Variants in CPED1 observed in about 807,000 individuals in gnomAD.
CPED1 encodes the protein cadherin like and PC-esterase domain containing 1, also known as cadherin-like and PC-esterase domain-containing protein 1.
In CPED1, 114 loss-of-function variants were observed where a neutral mutation model predicts 128.2. The observed-to-expected ratio is 0.89, with a 90% CI of 0.76 to 1.04. The LOEUF is 1.04. Among genes scored for constraint, CPED1 ranks in the 50% least tolerant of loss-of-function variants. The pLI is 0.00. For synonymous variants in CPED1, 462 were observed against 426.7 expected, an observed-to-expected ratio of 1.08 and a Z score of -1.02; for missense variants, 1,211 against 1,207.1, an observed-to-expected ratio of 1.00 and a Z score of -0.05.
chr7:121,004,665 A>G (rs919679771), intron 2 of CPED1, among the ~76,000 whole-genome samples: 2 of 152,186 alleles, frequency 1.3e-5, no homozygotes, highest in Non-Finnish European at 2.9e-5. Context: ...TAGATAGAGA[A>G]GAATGAAAAT....
intron 11 of CPED1, among the ~76,000 whole-genome samples, chr7:121,129,075 T>C (rs1795581752): frequency 6.6e-6 from 1 of 151,658 alleles, no homozygotes; most frequent in Admixed American, 6.6e-5. Context: ...GGATAATTTA[T>C]TGAGTGTGAA....
intron 2 of CPED1, among the ~76,000 whole-genome samples, chr7:121,001,107 G>C (rs1791843531): frequency 6.6e-6 from 1 of 152,048 alleles, no homozygotes; most frequent in Admixed American, 6.6e-5. Context: ...TTGTCACCCT[G>C]TGTTTTCTTC....
chr7:121,213,575 A>G (rs1456029759), intron 16 of CPED1, among the ~76,000 whole-genome samples: 3 of 152,060 alleles, frequency 2.0e-5, no homozygotes, highest in Non-Finnish European at 2.9e-5. Flanking sequence ...ATCACAATCT[A>G]TGCAATGGAT....
chr7:121,027,372 T>C (rs957302144), intron 3 of CPED1, among the ~76,000 whole-genome samples: 2 of 152,174 alleles, frequency 1.3e-5, no homozygotes, highest in African/African-American at 4.8e-5. Context: ...TCTATTTATA[T>C]GGTATTCTGC....
intron 22 of CPED1, among the ~76,000 whole-genome samples, chr7:121,277,835 G>A (rs1031480927): frequency 1.3e-5 from 2 of 152,138 alleles, no homozygotes; most frequent in African/African-American, 4.8e-5. Flanking sequence ...TTTAAGCAAA[G>A]TCTGGAGAAA....
At chr7:121,074,972 T>A (rs1001071066) in intron 5 of CPED1, among the ~76,000 whole-genome samples, 2 of 152,164 alleles carry the variant, frequency 1.3e-5, no homozygotes, top group African/African-American at 2.4e-5. Flanking sequence ...ATATGCTGGA[T>A]TCATTTATTT....
intron 2 of CPED1, among the ~76,000 whole-genome samples, chr7:120,991,776 T>A (rs1326752598): frequency 6.6e-6 from 1 of 152,174 alleles, no homozygotes; most frequent in African/African-American, 2.4e-5. Context: ...GCCAAACACA[T>A]GATGAATTTC....
chr7:121,189,869 T>G (rs999608849), intron 16 of CPED1, among the ~76,000 whole-genome samples: 1 of 148,522 alleles, frequency 6.7e-6, no homozygotes, highest in Non-Finnish European at 1.5e-5. Flanking sequence ...CAAAGATTTA[T>G]TTATTCATTT....
At chr7:121,087,682 G>GTTTA (rs1794466437) in intron 5 of CPED1, among the ~76,000 whole-genome samples, 1 of 111,580 alleles carries the variant, frequency 9.0e-6, no homozygotes, top group African/African-American at 4.1e-5. Context: ...TTTTTTTTTG[G>GTTTA]CAGAGTCTTT....
intron 3 of CPED1, among the ~76,000 whole-genome samples, chr7:121,029,053 A>G (rs1036241287): frequency 6.6e-6 from 1 of 152,114 alleles, no homozygotes; most frequent in Admixed American, 6.6e-5. Context: ...ATAAAGTTAT[A>G]TTATATAAAT....
intron 17 of CPED1, among the ~76,000 whole-genome samples, chr7:121,243,247 A>C (rs1798444453): frequency 1.3e-5 from 2 of 152,198 alleles, no homozygotes; most frequent in South Asian, 4.1e-4. Context: ...TATGTTCTCC[A>C]ACAAGGAGAG....
chr7:121,008,918 G>GT (rs951791614), intron 2 of CPED1, among the ~76,000 whole-genome samples: 4 of 152,148 alleles, frequency 2.6e-5, no homozygotes, highest in African/African-American at 9.7e-5. Flanking sequence ...GGCAGAATCG[G>GT]TTTTGCCATC....
intron 7 of CPED1, among the ~76,000 whole-genome samples, chr7:121,112,402 A>C (rs986195834): frequency 6.6e-6 from 1 of 152,194 alleles, no homozygotes; most frequent in Non-Finnish European, 1.5e-5. Flanking sequence ...ACAAAGGAGA[A>C]GATACATCTT....
chr7:121,178,051 G>T (rs1253056955), intron 16 of CPED1, among the ~76,000 whole-genome samples: 1 of 152,016 alleles, frequency 6.6e-6, no homozygotes, highest in Non-Finnish European at 1.5e-5. Context: ...CACGAGGAGG[G>T]GCTCTTGAAT....
chr7:121,021,723 T>C (rs1399986742), intron 3 of CPED1, among the ~76,000 whole-genome samples: 4 of 151,988 alleles, frequency 2.6e-5, no homozygotes, highest in Non-Finnish European at 5.9e-5. Context: ...CTGAAAGTCT[T>C]GGTATTCTCA....
chr7:121,156,384 C>G (rs1796281895), intron 16 of CPED1, among the ~76,000 whole-genome samples: 1 of 152,186 alleles, frequency 6.6e-6, no homozygotes, highest in African/African-American at 2.4e-5. Context: ...GATATTTGCA[C>G]TCTCCTGTTT....
intron 5 of CPED1, among the ~76,000 whole-genome samples, chr7:121,068,909 C>G (rs1369229659): frequency 6.6e-6 from 1 of 152,052 alleles, no homozygotes; most frequent in African/African-American, 2.4e-5. Context: ...TGATTTGGCT[C>G]TCTGTTTGTC....
At chr7:121,267,689 G>C (rs2159719) in intron 21 of CPED1, among the ~76,000 whole-genome samples, 2 of 151,950 alleles carry the variant, frequency 1.3e-5, no homozygotes, top group African/African-American at 4.8e-5. Context: ...AGTTCTTATA[G>C]AAGATAGTAA....
intron 5 of CPED1, among the ~76,000 whole-genome samples, chr7:121,067,761 C>T (rs1413663216): frequency 6.6e-6 from 1 of 152,182 alleles, no homozygotes; most frequent in Non-Finnish European, 1.5e-5. Flanking sequence ...TTCTCCACCT[C>T]CTCTCTAGCA....
Sources: gnomAD v4.1 joint callset for allele counts (sites outside exome capture counted in the v4.1 genomes callset) on GRCh38, gnomAD v4.1.1 for gene constraint, MANE v1.5 for transcripts, NCBI Gene and HGNC (gene_info 2026-07-23, HGNC 2026-07-21) for gene names.